TMEM108: variants seen among roughly 807,000 people sequenced by gnomAD.
TMEM108 encodes the protein transmembrane protein 108, also known as cancer/testis antigen 124.
Under a neutral mutation model 35.1 loss-of-function variants are expected in TMEM108, and 12 were observed. That is an observed-to-expected ratio of 0.34 (90% CI 0.22 to 0.55). The LOEUF is 0.55. Among genes scored for constraint, TMEM108 ranks in the 20% least tolerant of loss-of-function variants. The pLI, the probability that TMEM108 is intolerant of heterozygous loss-of-function variation, is 0.89. For synonymous variants in TMEM108, 287 were observed against 308.6 expected (o/e 0.93, Z 0.73); for missense variants, 680 against 753.3 (o/e 0.90, Z 1.14).
chr3:133,103,427 CT>C (rs1944113148), intron 2 of TMEM108, among the ~76,000 whole-genome samples: 1 of 152,040 alleles, frequency 6.6e-6, no homozygotes, highest in Non-Finnish European at 1.5e-5. Flanking sequence ...ACACTGGGAC[CT>C]TTCAGAGGGT....
chr3:133,186,765 G>A (rs547451415), intron 2 of TMEM108, among the ~76,000 whole-genome samples: 1 of 152,326 alleles, frequency 6.6e-6, no homozygotes, highest in East Asian at 1.9e-4. Flanking sequence ...TTTGCTGGAT[G>A]ATGCATGCTT....
chr3:133,275,546 T>G (rs952355894), intron 3 of TMEM108, among the ~76,000 whole-genome samples: 5 of 152,226 alleles, frequency 3.3e-5, no homozygotes, highest in African/African-American at 1.2e-4. Flanking sequence ...CAGCCTGGAC[T>G]CTTTTCTGGC....
At chr3:133,206,695 C>T (rs917183606) in intron 2 of TMEM108, among the ~76,000 whole-genome samples, 4 of 152,212 alleles carry the variant, frequency 2.6e-5, no homozygotes, top group Non-Finnish European at 4.4e-5. Flanking sequence ...GAGGGGCACC[C>T]ACCAGATGCC....
chr3:133,321,626 C>T (rs574145614), intron 3 of TMEM108, among the ~76,000 whole-genome samples: 13 of 152,300 alleles, frequency 8.5e-5, no homozygotes, highest in African/African-American at 3.1e-4. Context: ...GTTATCAAGA[C>T]ACAAAGTCAA....
At position 133,138,407 on chromosome 3, in the gene TMEM108, G is replaced by A. The variant is rs6766428; in HGVS notation, c.-46-90859G>A. Among the ~76,000 whole-genome samples the A allele has an allele frequency of 2.5e-3, 376 of 152,288 alleles. 3 individuals are homozygous for A. The highest frequency in any genetic ancestry group is 8.6e-3 in the African/African-American group (356 of 41,564). On this transcript the variant is annotated intron_variant, in intron 2 of 5. Transcript: ENST00000321871. ...GAGACTATCAAACTTATCCAACCCA[G>A]GGCCTGTGGGCTGCATGCGGCGGCC...
chr3:133,153,772 A>G (rs1944835393), intron 2 of TMEM108, among the ~76,000 whole-genome samples: 1 of 152,166 alleles, frequency 6.6e-6, no homozygotes, highest in Non-Finnish European at 1.5e-5. Flanking sequence ...TTTCAGTGTC[A>G]AAACAAAGGC....
chr3:133,313,560 G>A (rs935793978), intron 3 of TMEM108, among the ~76,000 whole-genome samples: 1 of 152,006 alleles, frequency 6.6e-6, no homozygotes, highest in Non-Finnish European at 1.5e-5. Context: ...TTTGTCTGAC[G>A]TTTCCTCCTG....
intron 2 of TMEM108, among the ~76,000 whole-genome samples, chr3:133,174,448 T>G (rs1045741558): frequency 6.6e-6 from 1 of 152,122 alleles, no homozygotes; most frequent in African/African-American, 2.4e-5. Flanking sequence ...GACTGACACC[T>G]CACATGGCCG....
chr3:133,057,987 ACCAGGG>A (rs1943492563), intron 2 of TMEM108, among the ~76,000 whole-genome samples: 1 of 152,206 alleles, frequency 6.6e-6, no homozygotes, highest in Non-Finnish European at 1.5e-5. Flanking sequence ...AAGGAGAGAT[ACCAGGG>A]CCTCTGCCCT....
chr3:133,333,778 A>G (rs1156971820), intron 3 of TMEM108, among the ~76,000 whole-genome samples: 1 of 152,194 alleles, frequency 6.6e-6, no homozygotes, highest in East Asian at 1.9e-4. Context: ...TGTTAAGTCA[A>G]TTTGTGTATT....
At chr3:133,039,264 T>G (rs1576286230) in intron 1 of TMEM108, among the ~76,000 whole-genome samples, 1 of 152,196 alleles carries the variant, frequency 6.6e-6, no homozygotes, top group African/African-American at 2.4e-5. Context: ...ATAGGGGTTT[T>G]TTTCGGAGGA....
At position 133,349,606 on chromosome 3, in the gene TMEM108, C is replaced by T. The variant is rs1178441265; in HGVS notation, c.41-30146C>T. Among the ~76,000 whole-genome samples, 4 of 150,330 alleles carry T rather than the reference C, an allele frequency of 2.7e-5. No homozygotes were observed. The East Asian group carries it at 7.8e-4, about 29-fold the overall frequency. ...AACTTAATAGCAAAAAAAAAACTAA[C>T]CTGATTTTTAAATGAGCAAAAGACC... On this transcript the variant is annotated intron_variant, in intron 3 of 5. Transcript: ENST00000321871.
Position 133,208,802 on chromosome 3 carries a change from C to A in TMEM108, c.-46-20464C>A, listed in dbSNP as rs553935411. Among the ~76,000 whole-genome samples the A allele has an allele frequency of 2.6e-5, 4 of 152,270 alleles. No homozygotes were observed. In the South Asian group the frequency reaches 8.3e-4, roughly 32 times the overall value. On this transcript the variant is annotated intron_variant, in intron 2 of 5. Coordinates refer to ENST00000321871, the MANE Select transcript of TMEM108 (RefSeq NM_023943.4). ...TCAAACTCCTGCCTCACTGTCTTACCTCTGTGCCTTTGCATTTTCCATCAC... is the reference window on the plus strand; with the variant it reads ...TCAAACTCCTGCCTCACTGTCTTACATCTGTGCCTTTGCATTTTCCATCAC...
intron 1 of TMEM108, among the ~76,000 whole-genome samples, chr3:133,039,584 A>T (rs971194854): frequency 6.6e-6 from 1 of 152,248 alleles, no homozygotes; most frequent in African/African-American, 2.4e-5. Flanking sequence ...CCATTTCCCC[A>T]GACAGCTCAT....
intron 3 of TMEM108, among the ~76,000 whole-genome samples, chr3:133,289,911 C>A (rs753896038): frequency 6.6e-6 from 1 of 152,146 alleles, no homozygotes; most frequent in Non-Finnish European, 1.5e-5. Flanking sequence ...TGGCTCACCC[C>A]CCTCATTAGA....
chr3:133,181,702 C>G (rs373374284), intron 2 of TMEM108, among the ~76,000 whole-genome samples: 1 of 151,994 alleles, frequency 6.6e-6, no homozygotes, highest in Non-Finnish European at 1.5e-5. Flanking sequence ...TTTTAGCAGA[C>G]GAGATTCAGA....
chr3:133,357,188 A>T (rs1296910821), intron 3 of TMEM108, among the ~76,000 whole-genome samples: 1 of 152,236 alleles, frequency 6.6e-6, no homozygotes, highest in Non-Finnish European at 1.5e-5. Flanking sequence ...AATGTTCAAC[A>T]TTACTAATCA....
chr3:133,220,800 T>C lies in TMEM108; in HGVS notation c.-46-8466T>C, dbSNP rs184478656. 1.1e-3 allele frequency among the ~76,000 whole-genome samples: 166 copies of C among 152,322 alleles called. 1 individual carries two copies. Among genetic ancestry groups the C allele is most frequent in the African/African-American group, 3.9e-3 (163 of 41,588 alleles). On this transcript the variant is annotated intron_variant, in intron 2 of 5. Coordinates refer to ENST00000321871, the MANE Select transcript of TMEM108 (RefSeq NM_023943.4). ...GACTGCTCCCTACTTTAGATGTCAA[T>C]CAGAAGTAGTAGGTTGTCACCTATA...
intron 3 of TMEM108, among the ~76,000 whole-genome samples, chr3:133,264,027 C>G (rs1412429174): frequency 6.6e-6 from 1 of 151,900 alleles, no homozygotes; most frequent in African/African-American, 2.4e-5. Context: ...AATAACAGAC[C>G]AAGTGTGATG....
Sources: gnomAD v4.1 joint callset for allele counts (sites outside exome capture counted in the v4.1 genomes callset) on GRCh38, gnomAD v4.1.1 for gene constraint, MANE v1.5 for transcripts, NCBI Gene and HGNC (gene_info 2026-07-23, HGNC 2026-07-21) for gene names.